The following SEMA3A variants were observed in gnomAD, a reference collection of about 807,000 sequenced individuals.
SEMA3A encodes semaphorin 3A, also known as semaphorin-3A.
SEMA3A carries 29 observed loss-of-function variants against 97.9 expected under a neutral mutation model. The observed-to-expected ratio is 0.30, with a 90% CI of 0.22 to 0.40. The LOEUF is 0.40. Among genes scored for constraint, SEMA3A ranks in the 10% least tolerant of loss-of-function variants. SEMA3A has a pLI of 1.00. For synonymous variants in SEMA3A, 321 were observed against 323.7 expected, an observed-to-expected ratio of 0.99 and a Z score of 0.09; for missense variants, 763 against 951.3, an observed-to-expected ratio of 0.80 and a Z score of 2.60.
intron 5 of SEMA3A, among the ~76,000 whole-genome samples, chr7:84,050,427 T>G (rs1792571544): frequency 6.6e-6 from 1 of 152,050 alleles, no homozygotes; most frequent in Non-Finnish European, 1.5e-5. Flanking sequence ...GGTATCTCAT[T>G]GTGATTTTGC....
intron 2 of SEMA3A, among the ~76,000 whole-genome samples, chr7:84,324,047 G>A: frequency 6.6e-6 from 1 of 152,078 alleles, no homozygotes; most frequent in East Asian, 1.9e-4. Context: ...AAAATAAATG[G>A]TAAATCAACA....
At chr7:84,008,359 C>T (rs1238808823) in intron 9 of SEMA3A, among the ~76,000 whole-genome samples, 11 of 151,642 alleles carry the variant, frequency 7.3e-5, no homozygotes, top group Admixed American at 5.3e-4. Context: ...GGTGTGGTGG[C>T]GGGTGGCTGT....
intron 4 of SEMA3A, among the ~76,000 whole-genome samples, chr7:84,079,368 A>C (rs1056954463): frequency 6.6e-6 from 1 of 151,152 alleles, no homozygotes; most frequent in African/African-American, 2.4e-5. Context: ...TAATTAAACT[A>C]AAGAGCTTCT....
intron 1 of SEMA3A, among the ~76,000 whole-genome samples, chr7:84,472,636 A>C (rs2116413298): frequency 6.6e-6 from 1 of 152,296 alleles, no homozygotes; most frequent in South Asian, 2.1e-4. Context: ...AGAGCTAAAT[A>C]AAATCTTCTG....
upstream of SEMA3A, among the ~76,000 whole-genome samples, chr7:84,195,599 C>T (rs1798206090): frequency 6.6e-6 from 1 of 152,086 alleles, no homozygotes; most frequent in Non-Finnish European, 1.5e-5. Context: ...TACTAAAGCC[C>T]ATTCCAACAA....
rs1272858785 is a variant in SEMA3A, at chr7:83,960,169, G to T, written c.*1202C>A. ...TCTTTTAAAAAAATTAAGTGACACA[G>T]ATATAATTCTTGGTAGAATCATAAG... On this transcript the variant is annotated 3_prime_UTR_variant, in exon 17 of 17. Transcript: ENST00000265362. The T allele has an allele frequency of 6.6e-6, 1 of 152,022 alleles. No homozygotes were observed. The highest frequency in any genetic ancestry group is 2.4e-5 in the African/African-American group (1 of 41,416). The allele number at this position is 152,022 out of a possible 1,614,324, so 9.4% of individuals were successfully genotyped here.
intron 3 of SEMA3A, among the ~76,000 whole-genome samples, chr7:84,255,037 G>A (rs924643543): frequency 6.6e-6 from 1 of 152,116 alleles, no homozygotes; most frequent in Non-Finnish European, 1.5e-5. Flanking sequence ...GCAGACAGAA[G>A]TAAGATGAGG....
chr7:84,291,195 T>G (rs1026812884), intron 3 of SEMA3A, among the ~76,000 whole-genome samples: 3 of 152,160 alleles, frequency 2.0e-5, no homozygotes, highest in African/African-American at 4.8e-5. Flanking sequence ...AAGATAAAAA[T>G]TTTAGATAAT....
chr7:84,300,032 CAA>C lies in SEMA3A; in HGVS notation c.-83+7173_-83+7174del, dbSNP rs58929555. On this transcript the variant is annotated intron_variant, in intron 3 of 3. Transcript: ENST00000424555. Reference sequence around the variant, plus strand: ...GGGTGACAAGAGTGAGACTCAGTCACAAAAAAAAAAAAAAAAAAAGAAAGAAA... The same window carrying C: ...GGGTGACAAGAGTGAGACTCAGTCACAAAAAAAAAAAAAAAAAGAAAGAAA... Among the ~76,000 whole-genome samples the C allele has an allele frequency of 1.5e-4, 8 of 53,300 alleles. No homozygotes were observed. The East Asian group carries it at 1.9e-3, about 13-fold the overall frequency. The allele number at this position is 53,300 out of a possible 152,430, so 35.0% of individuals were successfully genotyped here.
chr7:84,053,860 C>A (rs1197994388), intron 5 of SEMA3A, among the ~76,000 whole-genome samples: 1 of 113,270 alleles, frequency 8.8e-6, no homozygotes, highest in African/African-American at 2.7e-5. Context: ...CCGGTTGTTC[C>A]TTTCCATGTT....
chr7:83,980,603 C>CA (rs749889921), intron 14 of SEMA3A, among the ~76,000 whole-genome samples: 104 of 53,916 alleles, frequency 1.9e-3, no homozygotes, highest in South Asian at 5.5e-3. Flanking sequence ...GACTCCATCT[C>CA]AAAAAAAAAA....
intron 3 of SEMA3A, among the ~76,000 whole-genome samples, chr7:84,286,931 A>G (rs910482510): frequency 3.3e-5 from 5 of 152,174 alleles, no homozygotes; most frequent in African/African-American, 1.2e-4. Flanking sequence ...AATATTTAAA[A>G]TAAACAATTT....
chr7:84,266,250 G>A (rs1383010031), intron 3 of SEMA3A, among the ~76,000 whole-genome samples: 1 of 147,604 alleles, frequency 6.8e-6, no homozygotes, highest in Non-Finnish European at 1.5e-5. Context: ...GAACTCAGGA[G>A]GTGGAGGTTG....
intron 1 of SEMA3A, among the ~76,000 whole-genome samples, chr7:84,426,614 A>G (rs1388867074): frequency 6.6e-6 from 1 of 152,130 alleles, no homozygotes; most frequent in Non-Finnish European, 1.5e-5. Flanking sequence ...CCTACCATTA[A>G]TTCATGAAAT....
Position 84,102,485 on chromosome 7 carries a change from C to G in SEMA3A, c.453+7985G>C, listed in dbSNP as rs534788519. On this transcript the variant is annotated intron_variant, in intron 4 of 16. Transcript: ENST00000265362. ...GCTATGCAGACCAAATGTGCTAAGC[C>G]TGGAGCAGCAGAGAGCCATTGGGAC... Among the ~76,000 whole-genome samples, 3 of 151,756 alleles carry G rather than the reference C, an allele frequency of 2.0e-5. No homozygotes were observed. The South Asian group carries it at 6.2e-4, about 32-fold the overall frequency.
chr7:84,099,419 A>T (rs932336559), intron 4 of SEMA3A, among the ~76,000 whole-genome samples: 1 of 152,196 alleles, frequency 6.6e-6, no homozygotes, highest in Non-Finnish European at 1.5e-5. Flanking sequence ...TCACATATAC[A>T]TTCCCCAAAA....
chr7:84,337,283 A>G (rs1166675162), intron 2 of SEMA3A, among the ~76,000 whole-genome samples: 1 of 152,158 alleles, frequency 6.6e-6, no homozygotes, highest in Non-Finnish European at 1.5e-5. Flanking sequence ...TGTTGAAACT[A>G]TGTTTTACTG....
intron 3 of SEMA3A, among the ~76,000 whole-genome samples, chr7:84,212,480 C>G (rs1798652848): frequency 6.6e-6 from 1 of 152,094 alleles, no homozygotes; most frequent in Non-Finnish European, 1.5e-5. Context: ...ATATTATGCC[C>G]TTAGCTTTGT....
intron 2 of SEMA3A, among the ~76,000 whole-genome samples, chr7:84,334,338 A>G (rs986792095): frequency 2.6e-5 from 4 of 152,090 alleles, no homozygotes; most frequent in African/African-American, 9.7e-5. Flanking sequence ...TATGTTCATA[A>G]TCTATAATTT....
Sources: allele counts gnomAD v4.1 joint callset (sites outside exome capture counted in the v4.1 genomes callset), GRCh38; gene constraint gnomAD v4.1.1; transcripts MANE v1.5; gene names NCBI Gene and HGNC (gene_info 2026-07-23, HGNC 2026-07-21).